PDLIM5: variants seen among roughly 807,000 people sequenced by gnomAD.
The protein encoded by PDLIM5 is PDZ and LIM domain 5.
In PDLIM5, 34 loss-of-function variants were observed where a neutral mutation model predicts 64.2. The observed-to-expected ratio is 0.53, with a 90% confidence interval of 0.40 to 0.71. PDLIM5 has a LOEUF of 0.71. Among genes scored for constraint, PDLIM5 ranks in the 30% least tolerant of loss-of-function variants. The pLI, the probability that PDLIM5 is intolerant of heterozygous loss-of-function variation, is 0.00. For synonymous variants in PDLIM5, 253 were observed against 269.1 expected (o/e 0.94, Z 0.59); for missense variants, 683 against 733.6 (o/e 0.93, Z 0.80).
intron 3 of PDLIM5, among the ~76,000 whole-genome samples, chr4:94,533,102 A>G (rs1005273733): frequency 6.6e-6 from 1 of 152,220 alleles, no homozygotes; most frequent in Non-Finnish European, 1.5e-5. Flanking sequence ...GACATAGAAA[A>G]TAAGTATTTA....
intron 2 of PDLIM5, among the ~76,000 whole-genome samples, chr4:94,461,175 A>G (rs976485076): frequency 6.6e-6 from 1 of 152,244 alleles, no homozygotes; most frequent in African/African-American, 2.4e-5. Flanking sequence ...GGAGTTATTT[A>G]GCATCGTATG....
intron 3 of PDLIM5, 56 bp downstream of exon 3, chr4:94,523,931 T>C: frequency 2.2e-6 from 3 of 1,365,344 alleles, no homozygotes; most frequent in Middle Eastern, 3.6e-4. Context: ...GAATGTGTTT[T>C]TGTGTGTCTG....
At chr4:94,464,547 G>A (rs1206909899) in intron 2 of PDLIM5, among the ~76,000 whole-genome samples, 3 of 152,160 alleles carry the variant, frequency 2.0e-5, no homozygotes, top group African/African-American at 7.2e-5. Flanking sequence ...AAACGTTACC[G>A]GAGGACAGAT....
chr4:94,497,828 A>G (rs145285540), intron 2 of PDLIM5, among the ~76,000 whole-genome samples: 10 of 152,230 alleles, frequency 6.6e-5, no homozygotes, highest in Non-Finnish European at 5.9e-5. Flanking sequence ...AGCTACCAAC[A>G]TTTGTCTCTT....
intron 3 of PDLIM5, among the ~76,000 whole-genome samples, chr4:94,570,120 A>G (rs1239952066): frequency 6.6e-6 from 1 of 152,078 alleles, no homozygotes; most frequent in African/African-American, 2.4e-5. Context: ...AATTAGATAT[A>G]TTATAATTAG....
At chr4:94,534,381 T>G (rs899689337) in intron 3 of PDLIM5, among the ~76,000 whole-genome samples, 1 of 152,174 alleles carries the variant, frequency 6.6e-6, no homozygotes, top group Non-Finnish European at 1.5e-5. Context: ...ATTACTGAGG[T>G]TTAAAATTTC....
chr4:94,629,130 C>G (rs1578501940), intron 8 of PDLIM5, among the ~76,000 whole-genome samples: 1 of 152,044 alleles, frequency 6.6e-6, no homozygotes, highest in Non-Finnish European at 1.5e-5. Flanking sequence ...GCTGGCAGAT[C>G]ATTAGGTCAG....
rs2110514599 is a variant in PDLIM5, at chr4:94,665,206, A to G, written c.*1139A>G. ...CTTTAAAGAGAATAAATAGAGGGCC[A>G]GGTGTGGTGGCTCACGCCTGTGATC... On this transcript the variant is annotated 3_prime_UTR_variant, in exon 13 of 13. Coordinates refer to ENST00000317968, the MANE Select transcript of PDLIM5 (RefSeq NM_006457.5). 1 of 885,726 alleles carries G rather than the reference A, an allele frequency of 1.1e-6. No homozygotes were observed. The highest frequency in any genetic ancestry group is 1.4e-6 in the Non-Finnish European group (1 of 738,624). The allele number at this position is 885,726 out of a possible 1,614,324, so 54.9% of individuals were successfully genotyped here.
intron 2 of PDLIM5, among the ~76,000 whole-genome samples, chr4:94,475,643 A>G: frequency 6.6e-6 from 1 of 152,218 alleles, no homozygotes; most frequent in Non-Finnish European, 1.5e-5. Context: ...TTGTTTAATG[A>G]GTATAGTTTC....
chr4:94,514,027 T>G (rs1349517624), intron 2 of PDLIM5, among the ~76,000 whole-genome samples: 3 of 152,222 alleles, frequency 2.0e-5, no homozygotes. Flanking sequence ...ATCACACTGA[T>G]TAATTTACAT....
intron 2 of PDLIM5, among the ~76,000 whole-genome samples, chr4:94,483,739 G>A (rs1420069355): frequency 6.6e-6 from 1 of 152,104 alleles, no homozygotes; most frequent in Admixed American, 6.6e-5. Context: ...CCATATCCCA[G>A]ATATGTCATT....
At chr4:94,509,091 T>C (rs925246593) in intron 2 of PDLIM5, among the ~76,000 whole-genome samples, 22 of 152,212 alleles carry the variant, frequency 1.4e-4, no homozygotes, top group Admixed American at 8.5e-4. Context: ...TATTAGTTGT[T>C]CCAGTCTTTG....
intron 2 of PDLIM5, among the ~76,000 whole-genome samples, chr4:94,516,092 T>C (rs1435308496): frequency 6.6e-6 from 1 of 152,076 alleles, no homozygotes; most frequent in African/African-American, 2.4e-5. Context: ...TTTGGTAGAG[T>C]AGAGTAAGAT....
At chr4:94,604,683 T>A (rs774006269) in intron 7 of PDLIM5, among the ~76,000 whole-genome samples, 8 of 152,016 alleles carry the variant, frequency 5.3e-5, no homozygotes, top group Non-Finnish European at 1.2e-4. Flanking sequence ...AGAATGGTGC[T>A]GGTTACCACA....
intron 2 of PDLIM5, among the ~76,000 whole-genome samples, chr4:94,457,581 C>T (rs1376956308): frequency 1.3e-5 from 2 of 152,066 alleles, no homozygotes; most frequent in Non-Finnish European, 2.9e-5. Flanking sequence ...AGTTCAGAAA[C>T]AAATTGACAC....
intron 8 of PDLIM5, among the ~76,000 whole-genome samples, chr4:94,622,060 A>G (rs1020515280): frequency 6.6e-6 from 1 of 152,172 alleles, no homozygotes; most frequent in African/African-American, 2.4e-5. Context: ...ATTTTGTACT[A>G]TTTTGGAAAA....
chr4:94,456,515 T>G (rs557043126), intron 2 of PDLIM5: 2 of 707,442 alleles, frequency 2.8e-6, no homozygotes, highest in Non-Finnish European at 5.1e-6. Flanking sequence ...TTTTATACTT[T>G]GCTTTTTTTT....
At chr4:94,637,478 G>A (rs1349777048) in intron 8 of PDLIM5, among the ~76,000 whole-genome samples, 1 of 152,186 alleles carries the variant, frequency 6.6e-6, no homozygotes, top group African/African-American at 2.4e-5. Context: ...AGAATCATTT[G>A]AACCCTGGAG....
intron 9 of PDLIM5, among the ~76,000 whole-genome samples, chr4:94,651,697 A>C (rs1741855566): frequency 6.6e-6 from 1 of 152,216 alleles, no homozygotes; most frequent in Admixed American, 6.5e-5. Flanking sequence ...ATTTACAATA[A>C]GATAAAAATA....
Sources: allele counts gnomAD v4.1 joint callset (sites outside exome capture counted in the v4.1 genomes callset), GRCh38; gene constraint gnomAD v4.1.1; transcripts MANE v1.5; gene names NCBI Gene and HGNC (gene_info 2026-07-23, HGNC 2026-07-21).